Variants in FMN1 observed in about 807,000 individuals in gnomAD.
FMN1 encodes formin 1.
Under a neutral mutation model 132.4 loss-of-function variants are expected in FMN1, and 110 were observed. The observed-to-expected ratio is 0.83, with a 90% CI of 0.71 to 0.97. The LOEUF is 0.97. Ranked by LOEUF, FMN1 falls within the 50% of genes least tolerant of loss-of-function variation. The probability of loss-of-function intolerance (pLI) is 0.00; values close to 1 mark genes in which losing one functional copy is unlikely to be tolerated. For synonymous variants in FMN1, 722 were observed against 651.7 expected (o/e 1.11, Z -1.64); for missense variants, 1,792 against 1,705.3 (o/e 1.05, Z -0.90).
intron 17 of FMN1, among the ~76,000 whole-genome samples, chr15:32,846,881 A>G (rs2058869479): frequency 6.6e-6 from 1 of 152,236 alleles, no homozygotes. Context: ...ATGCAACCAT[A>G]AAAAAGGATG....
intron 2 of FMN1, among the ~76,000 whole-genome samples, chr15:33,183,343 C>T (rs139999911): frequency 6.6e-6 from 1 of 152,142 alleles, no homozygotes; most frequent in Non-Finnish European, 1.5e-5. Context: ...TTCAATTAAA[C>T]AAGTATTATT....
intron 7 of FMN1, among the ~76,000 whole-genome samples, chr15:32,970,421 T>C (rs1223885337): frequency 1.3e-5 from 2 of 152,180 alleles, no homozygotes; most frequent in African/African-American, 4.8e-5. Flanking sequence ...CTCCACAAGA[T>C]GAAACTGGTG....
chr15:33,065,329 G>A (rs1311998177), intron 5 of FMN1, among the ~76,000 whole-genome samples: 2 of 152,052 alleles, frequency 1.3e-5, no homozygotes, highest in Admixed American at 6.6e-5. Flanking sequence ...ACCCTTAAAA[G>A]ATTATTTTTA....
intron 4 of FMN1, among the ~76,000 whole-genome samples, chr15:33,134,163 G>A (rs1205793540): frequency 6.6e-6 from 1 of 152,050 alleles, no homozygotes; most frequent in African/African-American, 2.4e-5. Flanking sequence ...TGGTCGGGCT[G>A]GTCTCAAACT....
At chr15:33,099,807 G>T (rs1479199673) in intron 4 of FMN1, among the ~76,000 whole-genome samples, 1 of 152,064 alleles carries the variant, frequency 6.6e-6, no homozygotes, top group Non-Finnish European at 1.5e-5. Context: ...AATTTAAGTG[G>T]GAATATGGTA....
At chr15:33,148,232 G>A (rs755455488) in intron 4 of FMN1, among the ~76,000 whole-genome samples, 5 of 152,058 alleles carry the variant, frequency 3.3e-5, no homozygotes, top group Admixed American at 6.5e-5. Flanking sequence ...CTAATAAATC[G>A]GAGGGAAAAA....
At position 32,934,917 on chromosome 15, in the gene FMN1, TTTTC is replaced by T. The variant is rs755024811; in HGVS notation, c.3139-8660_3139-8657del. On this transcript the variant is annotated intron_variant, in intron 9 of 20. Coordinates refer to ENST00000616417, the MANE Select transcript of FMN1 (RefSeq NM_001277313.2). ...CCACTGTATCTGGCCAAAAGACAAT[TTTTC>T]TTTTTCTTTTTTTTTTTTTGAGACA... 4.0e-5 allele frequency among the ~76,000 whole-genome samples: 6 copies of T among 148,334 alleles called. No individual in the cohort carries two copies. The East Asian group carries it at 1.2e-3, about 29-fold the overall frequency.
intron 7 of FMN1, among the ~76,000 whole-genome samples, chr15:32,972,737 T>G (rs2031891417): frequency 6.6e-6 from 1 of 152,216 alleles, no homozygotes; most frequent in Non-Finnish European, 1.5e-5. Flanking sequence ...TCTCATATAC[T>G]CATATAAATG....
At chr15:32,975,369 A>G (rs1372542554) in intron 7 of FMN1, among the ~76,000 whole-genome samples, 1 of 152,210 alleles carries the variant, frequency 6.6e-6, no homozygotes, top group African/African-American at 2.4e-5. Flanking sequence ...TGATTTCTTT[A>G]GTGTTAAATA....
chr15:32,805,761 AT>A (rs1351066218), intron 17 of FMN1, among the ~76,000 whole-genome samples: 3 of 152,060 alleles, frequency 2.0e-5, no homozygotes, highest in African/African-American at 7.2e-5. Flanking sequence ...ATCCAGTAGC[AT>A]TTGCAGCAGT....
chr15:32,781,404 G>A (rs1045902016), intron 19 of FMN1, among the ~76,000 whole-genome samples: 3 of 152,020 alleles, frequency 2.0e-5, no homozygotes, highest in African/African-American at 4.8e-5. Context: ...ACATGCACAC[G>A]TTAGTTACAA....
chr15:33,069,782 G>A (rs2037913189), intron 5 of FMN1, among the ~76,000 whole-genome samples: 1 of 152,060 alleles, frequency 6.6e-6, no homozygotes, highest in Non-Finnish European at 1.5e-5. Flanking sequence ...TTCTCTGTTT[G>A]CTCCTGATCA....
intron 6 of FMN1, among the ~76,000 whole-genome samples, chr15:33,029,762 G>C (rs1041133018): frequency 1.3e-5 from 2 of 152,146 alleles, no homozygotes; most frequent in Non-Finnish European, 2.9e-5. Flanking sequence ...AAAGATGTCT[G>C]GAGTTAAGCC....
At chr15:32,888,112 T>TA in intron 16 of FMN1, 60 bp downstream of exon 16, 1 of 1,450,940 alleles carries the variant, frequency 6.9e-7, no homozygotes, top group Non-Finnish European at 9.3e-7. Flanking sequence ...ATAATCCTCT[T>TA]AAAACATTTT....
chr15:32,821,023 T>C lies in FMN1; in HGVS notation c.3929-16691A>G, dbSNP rs115159315. On this transcript the variant is annotated intron_variant, in intron 17 of 20. Coordinates refer to ENST00000616417, the MANE Select transcript of FMN1 (RefSeq NM_001277313.2). ...ATATTTTTGGTTTTGCTTTTGTCCT[T>C]TAGATTATTATTTGAAATTGTGTGA... Among the ~76,000 whole-genome samples, 702 of 151,788 alleles carry C rather than the reference T, an allele frequency of 4.6e-3. 9 individuals carry two copies. The highest frequency in any genetic ancestry group is 0.016 in the African/African-American group (656 of 41,326).
At chr15:33,010,492 T>A (rs1192617428) in intron 6 of FMN1, among the ~76,000 whole-genome samples, 2 of 152,180 alleles carry the variant, frequency 1.3e-5, no homozygotes, top group Non-Finnish European at 2.9e-5. Context: ...CATTAAATAT[T>A]ATATTGGTAA....
At chr15:32,825,945 A>G (rs922663913) in intron 17 of FMN1, among the ~76,000 whole-genome samples, 6 of 152,254 alleles carry the variant, frequency 3.9e-5, no homozygotes, top group African/African-American at 1.4e-4. Context: ...CCTGACATAT[A>G]AAATCAGTGT....
At position 32,776,958 on chromosome 15, in the gene FMN1, A is replaced by G. The variant is rs747365198; in HGVS notation, c.4131-39T>C. 7 of 1,234,642 alleles carry G rather than the reference A, an allele frequency of 5.7e-6. No individual in the cohort carries two copies. In the South Asian group the frequency reaches 9.1e-5, roughly 16 times the overall value. The allele number at this position is 1,234,642 out of a possible 1,614,324, so 76.5% of individuals were successfully genotyped here. A position where few individuals can be genotyped will look rare whatever the true frequency, so the allele number is the denominator to read the frequency against. On this transcript the variant is annotated intron_variant, in intron 19 of 20. Coordinates refer to ENST00000616417, the MANE Select transcript of FMN1 (RefSeq NM_001277313.2). ...AGGGAAAAGACAGGGGAGAGAGGGA[A>G]AAGAAAGGAAGAGGGAAAAGGAAAG... is the stretch of plus-strand genomic sequence containing the variant.
At chr15:32,983,981 A>C (rs527841176) in intron 7 of FMN1, among the ~76,000 whole-genome samples, 1 of 152,304 alleles carries the variant, frequency 6.6e-6, no homozygotes, top group African/African-American at 2.4e-5. Context: ...TTAAAAGCTC[A>C]AAGTGTTAGG....
Sources: gnomAD v4.1 joint callset for allele counts (sites outside exome capture counted in the v4.1 genomes callset) on GRCh38, gnomAD v4.1.1 for gene constraint, MANE v1.5 for transcripts, NCBI Gene and HGNC (gene_info 2026-07-23, HGNC 2026-07-21) for gene names.